EEPD1: variants seen among roughly 807,000 people sequenced by gnomAD.
EEPD1 encodes endonuclease/exonuclease/phosphatase family domain containing 1.
Under a neutral mutation model 46.3 loss-of-function variants are expected in EEPD1, and 17 were observed. That is an observed-to-expected ratio of 0.37 (90% CI 0.25 to 0.55). The LOEUF (loss-of-function observed/expected upper bound fraction) is 0.55. Ranked by LOEUF, EEPD1 falls within the 20% of genes least tolerant of loss-of-function variation. The pLI is 0.83. For synonymous variants in EEPD1, 313 were observed against 315.6 expected, an observed-to-expected ratio of 0.99 and a Z score of 0.09; for missense variants, 673 against 745.6, an observed-to-expected ratio of 0.90 and a Z score of 1.13.
chr7:36,223,347 T>C (rs911074193), intron 2 of EEPD1, among the ~76,000 whole-genome samples: 1 of 152,120 alleles, frequency 6.6e-6, no homozygotes, highest in Non-Finnish European at 1.5e-5. Flanking sequence ...CACACCAGAC[T>C]GGTGACTTGA....
intron 3 of EEPD1, among the ~76,000 whole-genome samples, chr7:36,277,136 A>G (rs1442858906): frequency 6.6e-6 from 1 of 152,270 alleles, no homozygotes; most frequent in Non-Finnish European, 1.5e-5. Flanking sequence ...GAAAGGAGCC[A>G]AAGATTCAGT....
chr7:36,281,280 T>C, intron 4 of EEPD1, 55 bp downstream of exon 4: 1 of 1,498,696 alleles, frequency 6.7e-7, no homozygotes, highest in Non-Finnish European at 9.2e-7. Context: ...TACATACTTT[T>C]CCCCTAATCA....
At chr7:36,262,071 TC>T (rs1939143340) in intron 3 of EEPD1, among the ~76,000 whole-genome samples, 1 of 152,232 alleles carries the variant, frequency 6.6e-6, no homozygotes, top group Admixed American at 6.5e-5. Flanking sequence ...CCCTTCTAGA[TC>T]CTGGACTTGG....
At chr7:36,170,015 A>G (rs1785048604) in intron 2 of EEPD1, among the ~76,000 whole-genome samples, 1 of 152,250 alleles carries the variant, frequency 6.6e-6, no homozygotes. Context: ...AATATCTGCA[A>G]ATCACAGGCC....
In EEPD1 at chr7:36,299,253, C is replaced by T. The variant is rs1234981642; in HGVS notation, c.*47C>T. ...ACCCTGGGACCCAGGAGGGCACAGC[C>T]AAGGAATGAGCCCTGTGGGGTGACG... On this transcript the variant is annotated 3_prime_UTR_variant, in exon 8 of 8. Transcript: ENST00000242108. 1.9e-6 allele frequency: 3 copies of T among 1,589,168 alleles called. No homozygotes were observed. Among genetic ancestry groups the T allele is most frequent in the Non-Finnish European group, 2.6e-6 (3 of 1,166,164 alleles).
chr7:36,188,182 T>C (rs1158978644), intron 2 of EEPD1, among the ~76,000 whole-genome samples: 1 of 152,178 alleles, frequency 6.6e-6, no homozygotes, highest in Non-Finnish European at 1.5e-5. Context: ...ATGGTTGGTC[T>C]ATGAGTCTCT....
In EEPD1 at chr7:36,299,432, G is replaced by T. The variant is rs1002327162; in HGVS notation, c.*226G>T. 7.4e-5 allele frequency: 44 copies of T among 590,948 alleles called. No individual in the cohort carries two copies. The highest frequency in any genetic ancestry group is 1.3e-4 in the Non-Finnish European group (44 of 335,904). The allele number at this position is 590,948 out of a possible 1,614,324, so 36.6% of individuals were successfully genotyped here. On this transcript the variant is annotated 3_prime_UTR_variant, in exon 8 of 8. Coordinates refer to ENST00000242108, the MANE Select transcript of EEPD1 (RefSeq NM_030636.3). Reference sequence around the variant, plus strand: ...GGTGGGCAAAGCAGAAACCTGCGGGGAGCGGAGACGCCTTTTATCTCTGGA... The same window carrying T: ...GGTGGGCAAAGCAGAAACCTGCGGGTAGCGGAGACGCCTTTTATCTCTGGA...
intron 2 of EEPD1, among the ~76,000 whole-genome samples, chr7:36,182,590 G>A (rs577641429): frequency 3.9e-5 from 6 of 152,294 alleles, no homozygotes; most frequent in South Asian, 4.1e-4. Flanking sequence ...CAAACCACTC[G>A]CCAGCGTTTG....
intron 2 of EEPD1, among the ~76,000 whole-genome samples, chr7:36,197,822 C>T (rs954215805): frequency 7.2e-4 from 110 of 152,008 alleles, no homozygotes; most frequent in African/African-American, 2.6e-3. Context: ...GTCTGCTGAC[C>T]TTCCCTCCAC....
chr7:36,244,689 C>A (rs1786607689), intron 3 of EEPD1, among the ~76,000 whole-genome samples: 1 of 152,090 alleles, frequency 6.6e-6, no homozygotes, highest in Non-Finnish European at 1.5e-5. Context: ...AAGGCCCCAG[C>A]CCCTTTCCTA....
chr7:36,172,279 T>G (rs951113626), intron 2 of EEPD1, among the ~76,000 whole-genome samples: 1 of 152,194 alleles, frequency 6.6e-6, no homozygotes, highest in African/African-American at 2.4e-5. Context: ...CTTCCCCTCC[T>G]TTTTGATTGT....
intron 2 of EEPD1, among the ~76,000 whole-genome samples, chr7:36,192,612 C>A (rs538127074): frequency 6.6e-6 from 1 of 152,142 alleles, no homozygotes; most frequent in Non-Finnish European, 1.5e-5. Flanking sequence ...TAACTCAAGT[C>A]GCAGAAATTT....
In EEPD1 at chr7:36,225,330, T is replaced by A. The variant is rs942390668; in HGVS notation, c.879-13655T>A. On this transcript the variant is annotated intron_variant, in intron 2 of 7. Coordinates refer to ENST00000242108, the MANE Select transcript of EEPD1 (RefSeq NM_030636.3). The surrounding 1 kb of genome is among the most constrained non-coding windows in gnomAD (Gnocchi z 4.2). ...GAAGAACAAGAGACAGGGTTATACA[T>A]GTGGAAGATGGAACTGACCACCCAC... 1.3e-5 allele frequency among the ~76,000 whole-genome samples: 2 copies of A among 152,200 alleles called. No individual in the cohort carries two copies.
At chr7:36,297,302 C>T in intron 7 of EEPD1, 115 bp downstream of exon 7, 10 of 1,190,630 alleles carry the variant, frequency 8.4e-6, no homozygotes, top group East Asian at 2.5e-5. Flanking sequence ...TTGTGGTTTA[C>T]GTGACTGTAT....
intron 3 of EEPD1, among the ~76,000 whole-genome samples, chr7:36,278,517 G>A (rs1232840704): frequency 6.9e-6 from 1 of 144,044 alleles, no homozygotes; most frequent in African/African-American, 2.5e-5. Context: ...GGTGGGGGGG[G>A]CGCTTCTTAA....
intron 3 of EEPD1, among the ~76,000 whole-genome samples, chr7:36,274,414 T>A (rs1362196891): frequency 1.3e-5 from 2 of 152,342 alleles, no homozygotes; most frequent in Admixed American, 6.5e-5. Flanking sequence ...AATATCTTGA[T>A]ATTTTAAATA....
intron 2 of EEPD1, among the ~76,000 whole-genome samples, chr7:36,167,729 T>G (rs1337124520): frequency 6.6e-6 from 1 of 152,036 alleles, no homozygotes; most frequent in East Asian, 1.9e-4. Context: ...TTATTATTAT[T>G]ATTAGAGACA....
intron 2 of EEPD1, among the ~76,000 whole-genome samples, chr7:36,197,617 C>T (rs972898696): frequency 6.6e-6 from 1 of 152,168 alleles, no homozygotes; most frequent in African/African-American, 2.4e-5. Flanking sequence ...ACTTTACCCC[C>T]AACCCTGTGC....
chr7:36,283,393 C>T (rs947237690), intron 4 of EEPD1, among the ~76,000 whole-genome samples: 1 of 152,082 alleles, frequency 6.6e-6, no homozygotes, highest in Non-Finnish European at 1.5e-5. Flanking sequence ...CCAGGGCCAT[C>T]GGGGAGCCCC....
Sources: allele counts gnomAD v4.1 joint callset (sites outside exome capture counted in the v4.1 genomes callset), GRCh38; gene constraint gnomAD v4.1.1; non-coding constraint Gnocchi (gnomAD v3.1); transcripts MANE v1.5; gene names NCBI Gene and HGNC (gene_info 2026-07-23, HGNC 2026-07-21).